ARHGEF28: variants seen among roughly 807,000 people sequenced by gnomAD.
ARHGEF28 encodes the protein 190 kDa guanine nucleotide exchange factor.
In ARHGEF28, 152 loss-of-function variants were observed where a neutral mutation model predicts 206.6. The ratio of observed to expected loss-of-function variants is 0.74; its 90% CI spans 0.64 to 0.84. The LOEUF is 0.84. Ranked by LOEUF, ARHGEF28 falls within the 40% of genes least tolerant of loss-of-function variation. The pLI is 0.00. For synonymous variants in ARHGEF28, 763 were observed against 776.4 expected (o/e 0.98, Z 0.29); for missense variants, 2,028 against 2,073.2 (o/e 0.98, Z 0.42).
Position 73,646,209 on chromosome 5 carries a change from C to T in ARHGEF28, c.-12+19887C>T, listed in dbSNP as rs183614155. On this transcript the variant is annotated intron_variant, in intron 1 of 35. Transcript: ENST00000513042. The stretch of plus-strand genomic sequence containing the variant: ...TTTACCTGTTGCACAGGCTTTAATT[C>T]TGACACATCCTCTTCATGCTGTATT... Among the ~76,000 whole-genome samples, 49 of 152,292 alleles carry T rather than the reference C, an allele frequency of 3.2e-4. No homozygotes were observed. In the East Asian group the frequency reaches 9.3e-3, roughly 29 times the overall value.
intron 11 of ARHGEF28, among the ~76,000 whole-genome samples, chr5:73,845,011 A>ATTTTTTTTTTTTTTTT (rs70973277): frequency 1.0e-5 from 1 of 99,368 alleles, no homozygotes; most frequent in African/African-American, 4.0e-5. Context: ...CAAAGGAATC[A>ATTTTTTTTTTTTTTTT]TTTTTTTTTT....
chr5:73,719,016 T>C (rs112785217), intron 2 of ARHGEF28, among the ~76,000 whole-genome samples: 2 of 152,294 alleles, frequency 1.3e-5, no homozygotes, highest in African/African-American at 4.8e-5. Flanking sequence ...AAGTGTGTCA[T>C]AATTTATCTG....
chr5:73,870,138 G>A lies in ARHGEF28; in HGVS notation c.2495G>A (p.Ser832Asn). ...DAQEFEAESWSLVVDPSFCNR... is the reference protein window; with the variant it reads ...DAQEFEAESWNLVVDPSFCNR... ...CAGGAGTTTGAAGCAGAATCTTGGA[G>A]TCTTGTGGTGGATCCCTCATTTTGT... Residue 832 changes from serine (S) to asparagine (N), a missense_variant, in exon 21 of 36, where the codon AGT becomes AAT. Ser to Asn is a conservative substitution (Grantham distance 46). This residue lies in a region of ARHGEF28 where 1,002 missense variants were observed against 1,015.3 expected (regional missense o/e 0.99). Coordinates refer to ENST00000513042, the MANE Select transcript of ARHGEF28 (RefSeq NM_001177693.2). 2 of 1,613,952 alleles carry A rather than the reference G, an allele frequency of 1.2e-6. No homozygotes were observed. The highest frequency in any genetic ancestry group is 8.5e-7 in the Non-Finnish European group (1 of 1,179,874).
intron 23 of ARHGEF28, 27 bp downstream of exon 23, chr5:73,882,621 AGT>A (rs1761026229): frequency 6.9e-7 from 1 of 1,443,164 alleles, no homozygotes; most frequent in African/African-American, 1.5e-5. Context: ...TTTATTACAA[AGT>A]GATAAATCAG....
At chr5:73,687,395 C>T (rs1444182971) in intron 2 of ARHGEF28, among the ~76,000 whole-genome samples, 1 of 151,750 alleles carries the variant, frequency 6.6e-6, no homozygotes, top group Non-Finnish European at 1.5e-5. Flanking sequence ...ATAACTGACA[C>T]TACATATGAT....
chr5:73,701,123 C>T (rs72770824), intron 2 of ARHGEF28, among the ~76,000 whole-genome samples: 7,168 of 152,248 alleles, frequency 0.047, 238 homozygotes, highest in Non-Finnish European at 0.069. Context: ...ACAGTGTCCT[C>T]TTTAATAAAA....
chr5:73,631,779 T>C (rs200481759), intron 1 of ARHGEF28, among the ~76,000 whole-genome samples: 15,489 of 152,148 alleles, frequency 0.1, 1,307 homozygotes, highest in East Asian at 0.33. Context: ...GTTGTGTGTT[T>C]CTGACTTCTT....
intron 2 of ARHGEF28, among the ~76,000 whole-genome samples, chr5:73,738,452 G>A (rs1023434564): frequency 6.6e-6 from 1 of 151,728 alleles, no homozygotes; most frequent in Non-Finnish European, 1.5e-5. Flanking sequence ...GCTTGGCAGA[G>A]TCTTTAGCAC....
At position 73,858,110 on chromosome 5, in the gene ARHGEF28, T is replaced by A. The variant is rs1759163410; in HGVS notation, c.1938T>A (p.Asp646Glu). ...KSKTKSKDAK[D>E]KEKLNRHQFA... ...AGACAAAAAGCAAGGATGCCAAAGA[T>A]AAAGAGAAGCTGAATCGACATCAGT... The change falls in exon 16 of 36, where the codon GAT becomes GAA. Residue 646 changes from aspartate (D) to glutamate (E), a missense_variant. Transcript: ENST00000513042. 1 of 1,610,102 alleles carries A rather than the reference T, an allele frequency of 6.2e-7. No homozygotes were observed. The highest frequency in any genetic ancestry group is 1.1e-5 in the South Asian group (1 of 90,092).
At chr5:73,806,201 C>T (rs1052302189) in intron 9 of ARHGEF28, among the ~76,000 whole-genome samples, 5 of 144,592 alleles carry the variant, frequency 3.5e-5, no homozygotes, top group Non-Finnish European at 7.5e-5. Context: ...TAGTATATAT[C>T]GATATGTACT....
At chr5:73,749,302 G>C (rs1050858537) in intron 2 of ARHGEF28, among the ~76,000 whole-genome samples, 5 of 152,170 alleles carry the variant, frequency 3.3e-5, no homozygotes, top group South Asian at 4.2e-4. Context: ...ATGAACTTTT[G>C]TACTAATAAT....
Position 73,882,528 on chromosome 5 carries a change from T to C in ARHGEF28, c.2871T>C (p.His957=), listed in dbSNP as rs771745276. The C allele has an allele frequency of 4.4e-4, 669 of 1,510,216 alleles. No individual in the cohort carries two copies. Among genetic ancestry groups the C allele is most frequent in the Non-Finnish European group, 5.7e-4 (639 of 1,118,518 alleles). 93.6% of individuals were successfully genotyped at this position (1,510,216 alleles called of 1,614,324 possible). ...MKKIYGEFCC[H]HKEAVNLFKE... ...AAATATATGGAGAATTCTGTTGCCA[T>C]CATAAAGAAGCTGTTAACCTCTTTA... Residue 957 remains histidine, a synonymous_variant, in exon 23 of 36, where the codon CAT becomes CAC. Transcript: ENST00000513042.
intron 1 of ARHGEF28, among the ~76,000 whole-genome samples, chr5:73,672,182 T>C (rs1199424827): frequency 1.3e-5 from 2 of 152,164 alleles, no homozygotes; most frequent in Non-Finnish European, 2.9e-5. Flanking sequence ...TATAAGTCTA[T>C]TCATTTTTGT....
At chr5:73,768,418 G>T (rs1249380913) in intron 4 of ARHGEF28, among the ~76,000 whole-genome samples, 1 of 152,198 alleles carries the variant, frequency 6.6e-6, no homozygotes, top group Non-Finnish European at 1.5e-5. Context: ...CCAAGACCAT[G>T]GGAAACCACC....
chr5:73,714,988 G>A (rs1396094296), intron 2 of ARHGEF28, among the ~76,000 whole-genome samples: 2 of 152,188 alleles, frequency 1.3e-5, no homozygotes, highest in Non-Finnish European at 2.9e-5. Flanking sequence ...GATCTTTGAT[G>A]ATATCTTTAT....
intron 9 of ARHGEF28, among the ~76,000 whole-genome samples, chr5:73,814,779 C>G (rs559041632): frequency 1.3e-5 from 2 of 152,232 alleles, no homozygotes; most frequent in South Asian, 4.1e-4. Context: ...CTTCAAGCAT[C>G]TTCTTTCTTC....
At chr5:73,814,362 A>G (rs548781311) in intron 9 of ARHGEF28, among the ~76,000 whole-genome samples, 1 of 152,088 alleles carries the variant, frequency 6.6e-6, no homozygotes, top group Non-Finnish European at 1.5e-5. Context: ...TACATTACTT[A>G]TTCTCTCTTA....
intron 13 of ARHGEF28, among the ~76,000 whole-genome samples, chr5:73,850,230 C>A (rs1431447692): frequency 6.6e-6 from 1 of 151,834 alleles, no homozygotes; most frequent in African/African-American, 2.4e-5. Flanking sequence ...AGATAAAACA[C>A]AAAAGAAATG....
At chr5:73,658,508 G>A (rs1745371800) in intron 1 of ARHGEF28, among the ~76,000 whole-genome samples, 1 of 152,138 alleles carries the variant, frequency 6.6e-6, no homozygotes, top group Non-Finnish European at 1.5e-5. Flanking sequence ...ATGGATGGAG[G>A]GAATAGATGC....
Sources: allele counts gnomAD v4.1 joint callset (sites outside exome capture counted in the v4.1 genomes callset), GRCh38; gene constraint gnomAD v4.1.1; regional missense constraint gnomAD v4.1.1; transcripts MANE v1.5; gene names NCBI Gene and HGNC (gene_info 2026-07-23, HGNC 2026-07-21).